ZNF644: variants seen among roughly 807,000 people sequenced by gnomAD.
ZNF644 encodes zinc finger motif enhancer binding protein 2.
In ZNF644, 20 loss-of-function variants were observed where a neutral mutation model predicts 108.0. The observed-to-expected ratio is 0.19, with a 90% CI of 0.13 to 0.27. The LOEUF is 0.27. ZNF644 is among the 10% of genes least tolerant of loss of function. ZNF644 has a pLI of 1.00. For missense variants in ZNF644, 1,338 were observed against 1,548.9 expected (o/e 0.86, Z 2.29); for synonymous variants, 542 against 539.1 (o/e 1.01, Z -0.08).
chr1:90,916,878 C>A lies in ZNF644; in HGVS notation c.3904G>T (p.Glu1302Ter), dbSNP rs1279019524. 1.2e-6 allele frequency: 2 copies of A among 1,614,054 alleles called. No individual in the cohort carries two copies. ...GGCTTTTTAAGTAGTGACGTGACTT[C>A]CACCATGCCAGCTCCAGTCCGTGGA... ...NLPRTGAGMV[E>*]VTSLLKKPAS... The change falls in exon 6 of 6, where the codon GAA becomes TAA. Residue 1302 changes from glutamate (E) to a stop codon, truncating the protein, a stop_gained. Coordinates refer to ENST00000337393, the MANE Select transcript of ZNF644 (RefSeq NM_201269.3). LOFTEE classifies it high-confidence loss of function.
At chr1:90,974,631 T>C (rs1429875324) in intron 2 of ZNF644, among the ~76,000 whole-genome samples, 1 of 152,206 alleles carries the variant, frequency 6.6e-6, no homozygotes, top group Non-Finnish European at 1.5e-5. Context: ...TCTCTTTTGC[T>C]GTGTAAATCT....
At chr1:91,018,458 G>A (rs1024837982) in intron 1 of ZNF644, among the ~76,000 whole-genome samples, 4 of 152,136 alleles carry the variant, frequency 2.6e-5, no homozygotes. Flanking sequence ...ATTTGAATAT[G>A]TATCCATAGT....
intron 1 of ZNF644, among the ~76,000 whole-genome samples, chr1:91,004,857 T>A (rs566479747): frequency 2.1e-3 from 320 of 152,210 alleles, no homozygotes; most frequent in African/African-American, 7.2e-3. Context: ...AACAAGTGAT[T>A]TAAGTGATAC....
Position 90,939,690 on chromosome 1 carries a change from G to A in ZNF644, c.1664C>T (p.Pro555Leu). 2 of 1,613,914 alleles carry A rather than the reference G, an allele frequency of 1.2e-6. No individual in the cohort carries two copies. Among genetic ancestry groups the A allele is most frequent in the Non-Finnish European group, 1.7e-6 (2 of 1,179,910 alleles). Reference protein sequence around the residue: ...GIAHGAVVKCPMVTSDIAQRK... With the variant: ...GIAHGAVVKCLMVTSDIAQRK... ...CTGGGCAATATCAGAAGTGACCATA[G>A]GGCATTTTACCACTGCCCCATGTGC... The change falls in exon 3 of 6, where the codon CCT becomes CTT. Residue 555 changes from proline to leucine, a missense_variant. This residue lies in a region of ZNF644 where 462 missense variants were observed against 472.6 expected (regional missense o/e 0.98). Transcript: ENST00000337393.
intron 2 of ZNF644, among the ~76,000 whole-genome samples, chr1:90,976,027 CTGTGGTAAAA>C (rs1655973833): frequency 6.6e-6 from 1 of 152,090 alleles, no homozygotes; most frequent in Admixed American, 6.5e-5. Flanking sequence ...AATTCCTAAG[CTGTGGTAAAA>C]TGTGAACTTC....
chr1:90,917,172 G>A (rs1648868574), intron 5 of ZNF644, among the ~76,000 whole-genome samples, 182 bp from the exon 6 acceptor site: 2 of 152,220 alleles, frequency 1.3e-5, no homozygotes, highest in South Asian at 4.1e-4. Flanking sequence ...TTTATTAACA[G>A]CTATAATAAA....
At chr1:90,943,355 G>A (rs1258026976) in intron 2 of ZNF644, among the ~76,000 whole-genome samples, 2 of 152,090 alleles carry the variant, frequency 1.3e-5, no homozygotes, top group Non-Finnish European at 2.9e-5. Context: ...GCAGGAGAAT[G>A]GCGTGTACCC....
chr1:90,985,154 C>A (rs1250227069), intron 1 of ZNF644, among the ~76,000 whole-genome samples: 2 of 152,128 alleles, frequency 1.3e-5, no homozygotes, highest in African/African-American at 4.8e-5. Context: ...ACATTTTAGA[C>A]ACTTTATTTT....
intron 4 of ZNF644, among the ~76,000 whole-genome samples, chr1:90,937,035 G>A (rs1246254612): frequency 1.3e-5 from 2 of 152,100 alleles, no homozygotes; most frequent in East Asian, 1.9e-4. Context: ...TTTTACCTAA[G>A]CAGTGGAAAA....
At chr1:91,009,286 T>C (rs142838885) in intron 1 of ZNF644, among the ~76,000 whole-genome samples, 7 of 152,250 alleles carry the variant, frequency 4.6e-5, no homozygotes, top group African/African-American at 1.7e-4. Flanking sequence ...ACTCTAAAAC[T>C]ATTAGTTCCC....
intron 4 of ZNF644, among the ~76,000 whole-genome samples, chr1:90,922,711 T>C (rs1570333597): frequency 6.6e-6 from 1 of 151,980 alleles, no homozygotes; most frequent in Admixed American, 6.6e-5. Context: ...ACCTGATAGG[T>C]AGTTTTTTTT....
chr1:90,999,927 C>G (rs999755807), intron 1 of ZNF644, among the ~76,000 whole-genome samples: 8 of 151,932 alleles, frequency 5.3e-5, no homozygotes, highest in Non-Finnish European at 1.0e-4. Context: ...AACAAAGATC[C>G]AAAGAGACAA....
intron 1 of ZNF644, among the ~76,000 whole-genome samples, chr1:90,982,720 GTATT>G (rs1656687499): frequency 6.6e-6 from 1 of 151,908 alleles, no homozygotes; most frequent in Non-Finnish European, 1.5e-5. Context: ...TTCTAGATCA[GTATT>G]TATTTAATAT....
At chr1:91,016,342 T>C (rs1256556613) in intron 1 of ZNF644, among the ~76,000 whole-genome samples, 4 of 152,306 alleles carry the variant, frequency 2.6e-5, no homozygotes, top group Admixed American at 1.3e-4. Context: ...TTGGTCACTG[T>C]GCAAACATCA....
chr1:90,963,396 A>C (rs1315008515), intron 2 of ZNF644, among the ~76,000 whole-genome samples: 1 of 152,168 alleles, frequency 6.6e-6, no homozygotes, highest in East Asian at 1.9e-4. Flanking sequence ...TGATTGATAC[A>C]ACCATTTTGA....
chr1:91,018,369 A>T (rs1046763730), intron 1 of ZNF644, among the ~76,000 whole-genome samples: 1 of 152,130 alleles, frequency 6.6e-6, no homozygotes, highest in African/African-American at 2.4e-5. Flanking sequence ...TGACAACTTT[A>T]CTCAATATTT....
chr1:91,014,096 T>C (rs954192295), intron 1 of ZNF644, among the ~76,000 whole-genome samples: 10 of 152,224 alleles, frequency 6.6e-5, no homozygotes, highest in African/African-American at 2.4e-4. Context: ...ATATTTATGG[T>C]GTACAACACA....
At chr1:91,007,219 C>CGTTTTTTTT (rs1557658445) in intron 1 of ZNF644, among the ~76,000 whole-genome samples, 1 of 114,248 alleles carries the variant, frequency 8.8e-6, no homozygotes, top group African/African-American at 3.3e-5. Context: ...CATTTTCTCC[C>CGTTTTTTTT]ATTTTGTTTT....
chr1:90,937,342 T>G (rs759923975), intron 4 of ZNF644, 143 bp downstream of exon 4: 13 of 1,116,004 alleles, frequency 1.2e-5, no homozygotes, highest in African/African-American at 1.6e-5. Context: ...GACAGTAGAA[T>G]AACCAATCTG....
Sources: gnomAD v4.1 joint callset for allele counts (sites outside exome capture counted in the v4.1 genomes callset) on GRCh38, gnomAD v4.1.1 for gene constraint, gnomAD v4.1.1 regional missense constraint, MANE v1.5 for transcripts, NCBI Gene and HGNC (gene_info 2026-07-23, HGNC 2026-07-21) for gene names.